BICDL1: variants seen among roughly 807,000 people sequenced by gnomAD.
BICDL1 encodes the protein BICD family like cargo adaptor 1.
Under a neutral mutation model 76.8 loss-of-function variants are expected in BICDL1, and 20 were observed. The observed-to-expected ratio is 0.26, with a 90% CI of 0.18 to 0.38. BICDL1 has a LOEUF of 0.38. BICDL1 is among the 10% of genes least tolerant of loss of function. BICDL1 has a pLI of 1.00. For missense variants in BICDL1, 700 were observed against 798.6 expected, an observed-to-expected ratio of 0.88 and a Z score of 1.49; for synonymous variants, 383 against 337.1, an observed-to-expected ratio of 1.14 and a Z score of -1.49.
At chr12:120,005,870 C>T (rs1951841668) in intron 2 of BICDL1, among the ~76,000 whole-genome samples, 1 of 152,166 alleles carries the variant, frequency 6.6e-6, no homozygotes, top group Non-Finnish European at 1.5e-5. Flanking sequence ...AATACTGCTG[C>T]AGTGAACATC....
At chr12:120,045,570 C>T (rs898045011) in intron 2 of BICDL1, among the ~76,000 whole-genome samples, 32 of 151,924 alleles carry the variant, frequency 2.1e-4, no homozygotes, top group South Asian at 8.3e-4. Flanking sequence ...ACATATACAC[C>T]GTGGAATACT....
chr12:120,007,737 C>G (rs1055599461), intron 2 of BICDL1, among the ~76,000 whole-genome samples: 1 of 152,210 alleles, frequency 6.6e-6, no homozygotes, highest in African/African-American at 2.4e-5. Flanking sequence ...AACTCTGCGT[C>G]TGGTACACTT....
intron 2 of BICDL1, among the ~76,000 whole-genome samples, chr12:120,039,499 G>A (rs1243245956): frequency 2.7e-5 from 4 of 150,784 alleles, no homozygotes; most frequent in East Asian, 2.0e-4. Context: ...TTAGCTGGGC[G>A]TGGTGGTGCA....
chr12:120,033,061 C>T (rs1301616262), intron 2 of BICDL1, among the ~76,000 whole-genome samples: 2 of 151,922 alleles, frequency 1.3e-5, no homozygotes, highest in African/African-American at 2.4e-5. Context: ...TTTTTTAAGC[C>T]AAAATCATAT....
chr12:120,053,627 T>C (rs936951560), intron 2 of BICDL1, among the ~76,000 whole-genome samples: 4 of 152,204 alleles, frequency 2.6e-5, no homozygotes, highest in Admixed American at 1.3e-4. Context: ...ACTTCTTACT[T>C]TCCAGTACCA....
intron 2 of BICDL1, among the ~76,000 whole-genome samples, chr12:120,001,102 A>T (rs1048030748): frequency 6.6e-6 from 1 of 152,128 alleles, no homozygotes; most frequent in Non-Finnish European, 1.5e-5. Context: ...TTTTTCAAGC[A>T]GGACCAGCCC....
intron 2 of BICDL1, among the ~76,000 whole-genome samples, chr12:120,005,357 T>G (rs1182968919): frequency 6.6e-6 from 1 of 152,194 alleles, no homozygotes; most frequent in East Asian, 1.9e-4. Flanking sequence ...ACTTTTCTAC[T>G]TATTTTGCTT....
chr12:120,058,231 T>TTAA (rs1281902582), intron 2 of BICDL1, among the ~76,000 whole-genome samples: 2 of 152,182 alleles, frequency 1.3e-5, no homozygotes. Context: ...AGTCAGACAT[T>TTAA]TAAAGGGAGC....
intron 7 of BICDL1, among the ~76,000 whole-genome samples, chr12:120,076,928 A>G (rs1446492851): frequency 6.6e-6 from 1 of 152,374 alleles, no homozygotes; most frequent in Middle Eastern, 3.4e-3. Context: ...CTAGGCCCTG[A>G]GAGGCACCAG....
chr12:120,069,914 C>A (rs1277194882), intron 4 of BICDL1, among the ~76,000 whole-genome samples: 1 of 152,192 alleles, frequency 6.6e-6, no homozygotes, highest in Non-Finnish European at 1.5e-5. Flanking sequence ...CTCATGTATA[C>A]TTTTTATGTC....
intron 4 of BICDL1, among the ~76,000 whole-genome samples, chr12:120,066,006 T>A (rs1953212665): frequency 6.6e-6 from 1 of 152,250 alleles, no homozygotes; most frequent in African/African-American, 2.4e-5. Flanking sequence ...AAAATGGTGC[T>A]GGCTAAAGCC....
chr12:119,991,698 C>T (rs1951527363), intron 1 of BICDL1, among the ~76,000 whole-genome samples: 1 of 151,750 alleles, frequency 6.6e-6, no homozygotes, highest in Non-Finnish European at 1.5e-5. Flanking sequence ...TTTGAAATTT[C>T]TTCAGTGAAG....
chr12:120,044,528 G>A (rs542158215), intron 2 of BICDL1, among the ~76,000 whole-genome samples: 1 of 152,214 alleles, frequency 6.6e-6, no homozygotes, highest in East Asian at 1.9e-4. Flanking sequence ...TCTTCCCCTA[G>A]CCTTCCTGTT....
At chr12:120,030,050 A>G (rs1952390166) in intron 2 of BICDL1, among the ~76,000 whole-genome samples, 1 of 152,216 alleles carries the variant, frequency 6.6e-6, no homozygotes, top group African/African-American at 2.4e-5. Context: ...GTATATATTC[A>G]GCGTACAACA....
chr12:119,990,438 G>C, intron 1 of BICDL1, 141 bp downstream of exon 1: 9 of 1,436,082 alleles, frequency 6.3e-6, no homozygotes, highest in Non-Finnish European at 8.4e-6. Flanking sequence ...GGGGGAGGGA[G>C]GATGGAGGAT....
At chr12:120,059,537 G>A (rs569244735) in intron 2 of BICDL1, among the ~76,000 whole-genome samples, 1 of 151,956 alleles carries the variant, frequency 6.6e-6, no homozygotes, top group South Asian at 2.1e-4. Context: ...GCCTCTCAAA[G>A]TGTTGGGATT....
At chr12:120,003,325 C>A (rs1045693721) in intron 2 of BICDL1, among the ~76,000 whole-genome samples, 1 of 152,134 alleles carries the variant, frequency 6.6e-6, no homozygotes, top group East Asian at 1.9e-4. Flanking sequence ...CTCTATCTGT[C>A]TTGTTTATTG....
At position 119,989,337 on chromosome 12, in the gene BICDL1, C is replaced by G. The variant is rs1951462689; in HGVS notation, c.-532C>G. 6.6e-6 allele frequency among the ~76,000 whole-genome samples: 1 copy of G among 150,442 alleles called. No individual in the cohort carries two copies. The highest frequency in any genetic ancestry group is 2.1e-4 in the South Asian group (1 of 4,812). ...TCGCCGCCGCTGCTGCTGGGGCTGC[C>G]GCGGAGCCGGGGGTCATGGAGTGCG... On this transcript the variant is annotated 5_prime_UTR_variant, in exon 1 of 10. Coordinates refer to ENST00000548673, the MANE Select transcript of BICDL1 (RefSeq NM_001367886.1).
chr12:120,041,641 G>C (rs1952644534), intron 2 of BICDL1, among the ~76,000 whole-genome samples: 1 of 152,174 alleles, frequency 6.6e-6, no homozygotes. Flanking sequence ...GGTAGGGTTA[G>C]GGTGAGCAGA....
Sources: gnomAD v4.1 joint callset for allele counts (sites outside exome capture counted in the v4.1 genomes callset) on GRCh38, gnomAD v4.1.1 for gene constraint, MANE v1.5 for transcripts, NCBI Gene and HGNC (gene_info 2026-07-23, HGNC 2026-07-21) for gene names.